SORL1: variants seen among roughly 807,000 people sequenced by gnomAD.
SORL1 encodes the protein sortilin-related receptor.
SORL1 carries 127 observed loss-of-function variants against 273.7 expected under a neutral mutation model. The ratio of observed to expected loss-of-function variants is 0.46; its 90% CI spans 0.40 to 0.54. The LOEUF (loss-of-function observed/expected upper bound fraction) is 0.54. SORL1 is among the 20% of genes least tolerant of loss of function. SORL1 has a pLI of 0.00. For missense variants in SORL1, 2,494 were observed against 2,846.1 expected (o/e 0.88, Z 2.81); for synonymous variants, 1,031 against 1,067.4 (o/e 0.97, Z 0.66).
chr11:121,605,044 T>G (rs541543803), intron 33 of SORL1, 69 bp from the exon 34 acceptor site: 1 of 1,422,568 alleles, frequency 7.0e-7, no homozygotes, highest in East Asian at 2.3e-5. Flanking sequence ...GTGCTAGGAT[T>G]ACAGGCGTGA....
intron 13 of SORL1, 40 bp from the exon 14 acceptor site, chr11:121,545,203 C>G (rs771436675): frequency 6.2e-7 from 1 of 1,602,308 alleles, no homozygotes; most frequent in Non-Finnish European, 8.5e-7. Flanking sequence ...CCTACATGGG[C>G]CTGCCTCTAA....
intron 23 of SORL1, among the ~76,000 whole-genome samples, chr11:121,571,439 G>A (rs1010389181): frequency 7.9e-5 from 12 of 152,270 alleles, no homozygotes; most frequent in Admixed American, 7.8e-4. Flanking sequence ...CTGATGTCAT[G>A]TGATGAAAGT....
intron 14 of SORL1, among the ~76,000 whole-genome samples, chr11:121,548,828 A>G (rs1053263119): frequency 1.3e-5 from 2 of 152,092 alleles, no homozygotes; most frequent in African/African-American, 4.8e-5. Flanking sequence ...CAGCCTCCCA[A>G]AATGCTGGGA....
At position 121,615,001 on chromosome 11, in the gene SORL1, C is replaced by A; in HGVS notation, c.5550C>A (p.Ala1850=). 1 of 1,613,050 alleles carries A rather than the reference C, an allele frequency of 6.2e-7. No individual in the cohort carries two copies. The highest frequency in any genetic ancestry group is 8.5e-7 in the Non-Finnish European group (1 of 1,179,656). ...GVRPPAPSLK[A]KAINQTAVEC... ...GCCCACCTGCACCTAGCCTCAAGGC[C>A]AAAGCCATCAACCAGACTGCAGTGG... Residue 1850 remains alanine, a synonymous_variant, in exon 41 of 48, where the codon GCC becomes GCA. Transcript: ENST00000260197.
chr11:121,553,887 C>T, intron 16 of SORL1, 50 bp from the exon 17 acceptor site: 1 of 1,570,772 alleles, frequency 6.4e-7, no homozygotes, highest in Non-Finnish European at 8.7e-7. Flanking sequence ...GCTAGGACCT[C>T]TTCAGCATCC....
intron 31 of SORL1, among the ~76,000 whole-genome samples, chr11:121,592,552 T>A (rs1396036794): frequency 6.6e-6 from 1 of 152,244 alleles, no homozygotes; most frequent in Non-Finnish European, 1.5e-5. Flanking sequence ...ACTTACCCAT[T>A]GACCTTTTGA....
intron 5 of SORL1, among the ~76,000 whole-genome samples, chr11:121,492,409 A>G (rs1861567210): frequency 6.6e-6 from 1 of 152,166 alleles, no homozygotes; most frequent in Non-Finnish European, 1.5e-5. Context: ...GAATGAATGA[A>G]TGAATAAAAA....
chr11:121,604,408 A>T lies in SORL1; in HGVS notation c.4651+84A>T, dbSNP rs1490164760. The T allele has an allele frequency of 1.7e-5, 26 of 1,509,840 alleles. No individual in the cohort carries two copies. The East Asian group carries it at 5.3e-4, about 31-fold the overall frequency. 93.5% of individuals were successfully genotyped at this position (1,509,840 alleles called of 1,614,324 possible). ...CAGGGCCCCTCCTGTGTAGACCTTGAGCTAGGACCCTTTTGAACTGTTGCT... is the reference window on the plus strand; with the variant it reads ...CAGGGCCCCTCCTGTGTAGACCTTGTGCTAGGACCCTTTTGAACTGTTGCT... On this transcript the variant is annotated intron_variant, in intron 33 of 47. Transcript: ENST00000260197.
At chr11:121,505,957 T>A (rs1485815369) in intron 6 of SORL1, among the ~76,000 whole-genome samples, 2 of 152,254 alleles carry the variant, frequency 1.3e-5, no homozygotes, top group African/African-American at 4.8e-5. Flanking sequence ...TAAGTGTTTA[T>A]TAAATCTACT....
chr11:121,556,530 C>CTTTA (rs1862584205), intron 18 of SORL1, among the ~76,000 whole-genome samples: 1 of 152,146 alleles, frequency 6.6e-6, no homozygotes, highest in African/African-American at 2.4e-5. Context: ...TGCGTGTGGT[C>CTTTA]AGCACTTGGC....
intron 46 of SORL1, 46 bp downstream of exon 46, chr11:121,625,323 T>C (rs758998007): frequency 2.1e-6 from 3 of 1,442,906 alleles, no homozygotes; most frequent in South Asian, 2.4e-5. Context: ...TCTAGGGAAA[T>C]AGCAAGAATG....
chr11:121,565,706 T>C (rs1862744934), intron 21 of SORL1, among the ~76,000 whole-genome samples: 1 of 152,234 alleles, frequency 6.6e-6, no homozygotes, highest in African/African-American at 2.4e-5. Flanking sequence ...TGTGACCCCA[T>C]AGTTGTATCA....
chr11:121,527,796 A>G (rs1260068630), intron 11 of SORL1, among the ~76,000 whole-genome samples: 1 of 151,950 alleles, frequency 6.6e-6, no homozygotes, highest in Non-Finnish European at 1.5e-5. Context: ...TATCTTTTTA[A>G]TGTCTGTAGG....
chr11:121,531,995 A>G (rs536754854), intron 11 of SORL1, among the ~76,000 whole-genome samples: 5 of 152,328 alleles, frequency 3.3e-5, no homozygotes, highest in African/African-American at 1.2e-4. Flanking sequence ...TTAAATCTCC[A>G]CAAGCGGCTT....
intron 33 of SORL1, among the ~76,000 whole-genome samples, 181 bp from the exon 34 acceptor site, chr11:121,604,930 CTT>C (rs992503368): frequency 2.0e-5 from 3 of 146,662 alleles, no homozygotes; most frequent in Non-Finnish European, 3.0e-5. Flanking sequence ...TAAGATGTAA[CTT>C]TTTTTTTTTT....
intron 21 of SORL1, chr11:121,566,582 GT>G: frequency 5.4e-6 from 1 of 184,988 alleles, no homozygotes; most frequent in Non-Finnish European, 1.1e-5. Flanking sequence ...CTTCCACACG[GT>G]TTTGGCTTGC....
At position 121,550,159 on chromosome 11, in the gene SORL1, C is replaced by T. The variant is rs1328682752; in HGVS notation, c.2180+71C>T. On this transcript the variant is annotated intron_variant, in intron 15 of 47. Transcript: ENST00000260197. This position sits in a 1 kb window ranked among gnomAD's most constrained non-coding sequence, Gnocchi z 5.3. ...CATGGAGCGAGAGAGCATAGAGGAC[C>T]GTCTGGATTGCTCTACACTCGAAAT... 24 of 1,473,742 alleles carry T rather than the reference C, an allele frequency of 1.6e-5. No individual in the cohort carries two copies. The highest frequency in any genetic ancestry group is 8.9e-5 in the Admixed American group (4 of 45,184). The allele number at this position is 1,473,742 out of a possible 1,614,324, so 91.3% of individuals were successfully genotyped here. A position where few individuals can be genotyped will look rare whatever the true frequency, so the allele number is the denominator to read the frequency against.
rs1467612289 is a variant in SORL1, at chr11:121,619,833, C to T, written c.5805C>T (p.Pro1935=). ...TGATCCCGGACAGCAGGCTTCCACC[C>T]CGTCACCTGCATGTGGTTCATACGG... ...VKMIPDSRLP[P]RHLHVVHTGK... The change falls in exon 43 of 48, where the codon CCC becomes CCT. Residue 1935 remains proline (P), a synonymous_variant. Coordinates refer to ENST00000260197, the MANE Select transcript of SORL1 (RefSeq NM_003105.6). 1.9e-6 allele frequency: 3 copies of T among 1,613,788 alleles called. No homozygotes were observed. The highest frequency in any genetic ancestry group is 2.2e-5 in the South Asian group (2 of 91,074).
chr11:121,602,514 T>C (rs1863409420), intron 32 of SORL1, among the ~76,000 whole-genome samples: 1 of 152,188 alleles, frequency 6.6e-6, no homozygotes, highest in Non-Finnish European at 1.5e-5. Flanking sequence ...CCCTGGATCC[T>C]TTATCCATTC....
Sources: allele counts gnomAD v4.1 joint callset (sites outside exome capture counted in the v4.1 genomes callset), GRCh38; gene constraint gnomAD v4.1.1; non-coding constraint Gnocchi (gnomAD v3.1); transcripts MANE v1.5; gene names NCBI Gene and HGNC (gene_info 2026-07-23, HGNC 2026-07-21).